Variants in ASCC3 observed in about 807,000 individuals in gnomAD.
The protein encoded by ASCC3 is ASC-1 complex subunit P200.
ASCC3 carries 158 observed loss-of-function variants against 256.3 expected under a neutral mutation model. That is an observed-to-expected ratio of 0.62 (90% CI 0.54 to 0.70). ASCC3 has a LOEUF of 0.70. Ranked by LOEUF, ASCC3 falls within the 30% of genes least tolerant of loss-of-function variation. The pLI, the probability that ASCC3 is intolerant of heterozygous loss-of-function variation, is 0.00. For missense variants in ASCC3, 2,259 were observed against 2,626.0 expected (o/e 0.86, Z 3.05); for synonymous variants, 948 against 883.4 (o/e 1.07, Z -1.30).
intron 4 of ASCC3, among the ~76,000 whole-genome samples, chr6:100,806,876 G>A (rs181968042): frequency 5.5e-4 from 84 of 151,924 alleles, no homozygotes; most frequent in Non-Finnish European, 7.4e-5. Context: ...TATATGCCAG[G>A]TACTATGATA....
chr6:100,516,477 G>T, intron 38 of ASCC3, 150 bp from the exon 39 acceptor site: 2 of 973,814 alleles, frequency 2.1e-6, no homozygotes, highest in Non-Finnish European at 3.0e-6. Flanking sequence ...AATTCAGCCA[G>T]CATTCTGTAT....
At chr6:100,578,281 T>G (rs1273162357) in intron 36 of ASCC3, among the ~76,000 whole-genome samples, 5 of 152,072 alleles carry the variant, frequency 3.3e-5, no homozygotes, top group Non-Finnish European at 7.4e-5. Flanking sequence ...AACTTTAATT[T>G]TAGGTTCAGG....
At chr6:100,687,143 T>A (rs1048839670) in intron 13 of ASCC3, among the ~76,000 whole-genome samples, 2 of 150,460 alleles carry the variant, frequency 1.3e-5, no homozygotes, top group African/African-American at 5.0e-5. Context: ...TGAAGAAAAA[T>A]TTCCATAATA....
chr6:100,641,524 T>C (rs1775118737), intron 24 of ASCC3, among the ~76,000 whole-genome samples: 1 of 152,196 alleles, frequency 6.6e-6, no homozygotes, highest in African/African-American at 2.4e-5. Flanking sequence ...TCATATCCTT[T>C]GCCCACTTGT....
chr6:100,734,964 A>G (rs1780078170), intron 10 of ASCC3, among the ~76,000 whole-genome samples: 1 of 152,156 alleles, frequency 6.6e-6, no homozygotes, highest in African/African-American at 2.4e-5. Flanking sequence ...ATCATTTCCA[A>G]TCCTAATTAG....
chr6:100,803,408 A>C (rs944766648), intron 5 of ASCC3, among the ~76,000 whole-genome samples: 1 of 152,072 alleles, frequency 6.6e-6, no homozygotes, highest in African/African-American at 2.4e-5. Context: ...CCTCCTGCAC[A>C]TATTTCTCTC....
At chr6:100,699,990 T>G (rs1778277984) in intron 13 of ASCC3, among the ~76,000 whole-genome samples, 1 of 151,926 alleles carries the variant, frequency 6.6e-6, no homozygotes, top group South Asian at 2.1e-4. Context: ...AACAATGCAG[T>G]AGAAAAGAAA....
At chr6:100,632,591 T>C (rs368892821) in intron 25 of ASCC3, among the ~76,000 whole-genome samples, 42 of 152,162 alleles carry the variant, frequency 2.8e-4, no homozygotes, top group Middle Eastern at 3.4e-3. Flanking sequence ...ACAGTAATCA[T>C]AACAGTGTGG....
At chr6:100,642,535 C>A (rs140556828) in intron 24 of ASCC3, 46 bp downstream of exon 24, 5 of 1,599,314 alleles carry the variant, frequency 3.1e-6, no homozygotes, top group African/African-American at 2.7e-5. Context: ...ATTAAAACAA[C>A]CATTTTGGAA....
At chr6:100,674,194 A>C (rs2114954817) in intron 14 of ASCC3, among the ~76,000 whole-genome samples, 1 of 152,140 alleles carries the variant, frequency 6.6e-6, no homozygotes, top group South Asian at 2.1e-4. Context: ...ACTACAGAAA[A>C]TCTTCTCAAA....
At chr6:100,693,103 C>CAT (rs201929948) in intron 13 of ASCC3, among the ~76,000 whole-genome samples, 2,338 of 151,996 alleles carry the variant, frequency 0.015, 23 homozygotes, top group East Asian at 0.044. Context: ...ATTTAAGATA[C>CAT]ATATATATGA....
At chr6:100,854,430 T>C (rs1361535947) in intron 3 of ASCC3, among the ~76,000 whole-genome samples, 1 of 152,166 alleles carries the variant, frequency 6.6e-6, no homozygotes, top group Non-Finnish European at 1.5e-5. Context: ...ATGTTCAATA[T>C]AGTAATTTGA....
chr6:100,652,998 T>A lies in ASCC3; in HGVS notation c.2824-109A>T, dbSNP rs962876971. On this transcript the variant is annotated intron_variant, in intron 17 of 41. Coordinates refer to ENST00000369162, the MANE Select transcript of ASCC3 (RefSeq NM_006828.4). Reference sequence around the variant, plus strand: ...ACTTTTCTTAATGTTTTAGTTAGACTTTTTAATTACAATTTTTAAAGTACA... The same window carrying A: ...ACTTTTCTTAATGTTTTAGTTAGACATTTTAATTACAATTTTTAAAGTACA... The A allele has an allele frequency of 3.0e-6, 3 of 997,566 alleles. No homozygotes were observed. In the Admixed American group the frequency reaches 6.7e-5, roughly 22 times the overall value. The allele number at this position is 997,566 out of a possible 1,614,324, so 61.8% of individuals were successfully genotyped here.
intron 3 of ASCC3, among the ~76,000 whole-genome samples, chr6:100,861,089 TA>T (rs1773203750): frequency 6.6e-6 from 1 of 152,040 alleles, no homozygotes; most frequent in Non-Finnish European, 1.5e-5. Context: ...CAATGGTAAA[TA>T]TACAGAGTAA....
intron 36 of ASCC3, among the ~76,000 whole-genome samples, chr6:100,552,725 G>C (rs1379273642): frequency 6.6e-6 from 1 of 151,464 alleles, no homozygotes; most frequent in African/African-American, 2.4e-5. Context: ...CAGCTGGAAT[G>C]CAACATTTCT....
chr6:100,587,564 C>T (rs1294229670), intron 36 of ASCC3, among the ~76,000 whole-genome samples: 3 of 152,120 alleles, frequency 2.0e-5, no homozygotes, highest in Admixed American at 1.3e-4. Context: ...CAATATCTAG[C>T]GCAAGCTGAA....
Position 100,657,255 on chromosome 6 carries a change from C to T in ASCC3, c.2704-1437G>A, listed in dbSNP as rs144263255. ...TAAATTTATATTACAAACGGCTAAG[C>T]CATCCATAATGTAGGTAAATATATA... On this transcript the variant is annotated intron_variant, in intron 16 of 41. Transcript: ENST00000369162. 9.5e-3 allele frequency among the ~76,000 whole-genome samples: 1,436 copies of T among 151,392 alleles called. 9 individuals carry two copies. Among genetic ancestry groups the T allele is most frequent in the Non-Finnish European group, 0.015 (1,013 of 67,432 alleles).
Position 100,641,988 on chromosome 6 carries a change from A to G in ASCC3, c.3901+593T>C, listed in dbSNP as rs1258499848. Among the ~76,000 whole-genome samples, 25 of 141,226 alleles carry G rather than the reference A, an allele frequency of 1.8e-4. 1 individual carries two copies. Among genetic ancestry groups the G allele is most frequent in the East Asian group, 2.4e-4 (1 of 4,168 alleles). 92.6% of individuals were successfully genotyped at this position (141,226 alleles called of 152,430 possible). A position where few individuals can be genotyped will look rare whatever the true frequency, so the allele number is the denominator to read the frequency against. On this transcript the variant is annotated intron_variant, in intron 24 of 41. Coordinates refer to ENST00000369162, the MANE Select transcript of ASCC3 (RefSeq NM_006828.4). ...TGAGAACACATGGACACAGGAAGGG[A>G]AACATCACACACCGCGGCCTGTTGC...
chr6:100,577,286 T>C (rs977671802), intron 36 of ASCC3, among the ~76,000 whole-genome samples: 36 of 152,030 alleles, frequency 2.4e-4, no homozygotes, highest in Non-Finnish European at 4.3e-4. Flanking sequence ...TCAACTGAAG[T>C]AATAAATCAG....
Sources: gnomAD v4.1 joint callset for allele counts (sites outside exome capture counted in the v4.1 genomes callset) on GRCh38, gnomAD v4.1.1 for gene constraint, MANE v1.5 for transcripts, NCBI Gene and HGNC (gene_info 2026-07-23, HGNC 2026-07-21) for gene names.